Variants in ZNF362 observed in about 807,000 individuals in gnomAD.
ZNF362 encodes the protein zinc finger protein 362, also known as rotund homolog.
ZNF362 carries 11 observed loss-of-function variants against 42.9 expected under a neutral mutation model. The ratio of observed to expected loss-of-function variants is 0.26; its 90% CI spans 0.16 to 0.42. ZNF362 has a LOEUF of 0.42. Among genes scored for constraint, ZNF362 ranks in the 20% least tolerant of loss-of-function variants. The pLI is 1.00. For missense variants in ZNF362, 362 were observed against 576.2 expected (o/e 0.63, Z 3.81); for synonymous variants, 255 against 257.3 (o/e 0.99, Z 0.09).
intron 6 of ZNF362, among the ~76,000 whole-genome samples, chr1:33,286,927 A>G (rs1389405263): frequency 6.6e-6 from 1 of 152,184 alleles, no homozygotes; most frequent in Non-Finnish European, 1.5e-5. Context: ...ATAGAGGTAG[A>G]GTTAGCAAGA....
intron 6 of ZNF362, among the ~76,000 whole-genome samples, chr1:33,286,908 G>A (rs559773964): frequency 1.3e-4 from 20 of 152,220 alleles, no homozygotes; most frequent in South Asian, 6.2e-4. Context: ...AGCCAGCCCC[G>A]GTCAAGCAAT....
the ZNF362 span, chr1:33,160,079 A>C: frequency 8.7e-7 from 1 of 1,142,946 alleles, no homozygotes; most frequent in Non-Finnish European, 1.2e-6. Flanking sequence ...GGGAAATGTC[A>C]CATGCAAAAG....
the ZNF362 span, among the ~76,000 whole-genome samples, chr1:33,242,459 C>A: frequency 2.0e-5 from 3 of 152,132 alleles, no homozygotes; most frequent in Non-Finnish European, 4.4e-5. Flanking sequence ...ACTCTCTGCA[C>A]ATAGCATCAC....
the ZNF362 span, among the ~76,000 whole-genome samples, chr1:33,156,708 T>G: frequency 2.6e-5 from 4 of 152,330 alleles, no homozygotes; most frequent in Non-Finnish European, 5.9e-5. Context: ...CTGACCTTCC[T>G]TTTGTATTGC....
the ZNF362 span, among the ~76,000 whole-genome samples, chr1:33,213,487 G>C: frequency 6.6e-6 from 1 of 152,042 alleles, no homozygotes; most frequent in East Asian, 1.9e-4. Context: ...TAAATGTGTT[G>C]GTGAATTTAA....
chr1:33,270,857 C>G (rs1426401987), intron 2 of ZNF362, among the ~76,000 whole-genome samples: 1 of 152,134 alleles, frequency 6.6e-6, no homozygotes, highest in African/African-American at 2.4e-5. Flanking sequence ...CTGTATCTGT[C>G]ATTTGTGTCT....
At chr1:33,219,002 C>G in the ZNF362 span, among the ~76,000 whole-genome samples, 9 of 150,110 alleles carry the variant, frequency 6.0e-5, no homozygotes, top group Non-Finnish European at 1.2e-4. Flanking sequence ...CCTGCCCCCC[C>G]GCAAGAGACT....
chr1:33,217,222 T>C, the ZNF362 span, among the ~76,000 whole-genome samples: 1 of 152,138 alleles, frequency 6.6e-6, no homozygotes, highest in Non-Finnish European at 1.5e-5. Context: ...CCTAACCTGA[T>C]CTAACTTCTG....
chr1:33,237,281 T>C, the ZNF362 span, among the ~76,000 whole-genome samples: 1 of 152,206 alleles, frequency 6.6e-6, no homozygotes, highest in African/African-American at 2.4e-5. Flanking sequence ...ATCTGGCACA[T>C]AGCACAGTTT....
At chr1:33,238,873 A>G in the ZNF362 span, among the ~76,000 whole-genome samples, 1 of 152,144 alleles carries the variant, frequency 6.6e-6, no homozygotes, top group Non-Finnish European at 1.5e-5. Flanking sequence ...AGCTGAGGAG[A>G]GAGGCCTCAC....
the ZNF362 span, among the ~76,000 whole-genome samples, chr1:33,200,616 C>A: frequency 6.6e-6 from 1 of 152,096 alleles, no homozygotes; most frequent in South Asian, 2.1e-4. Context: ...AAATATATAT[C>A]ACATCATAGC....
At chr1:33,246,912 C>T in the ZNF362 span, among the ~76,000 whole-genome samples, 1 of 152,198 alleles carries the variant, frequency 6.6e-6, no homozygotes, top group Non-Finnish European at 1.5e-5. Context: ...AGGTGGCTGA[C>T]AGTCTGAACT....
At chr1:33,152,230 A>G in the ZNF362 span, among the ~76,000 whole-genome samples, 2 of 152,174 alleles carry the variant, frequency 1.3e-5, no homozygotes, top group African/African-American at 4.8e-5. Context: ...GTCTTTTCAC[A>G]TCATGCTCTT....
chr1:33,171,792 A>G, the ZNF362 span, among the ~76,000 whole-genome samples: 1 of 151,900 alleles, frequency 6.6e-6, no homozygotes, highest in Non-Finnish European at 1.5e-5. Context: ...TTTATTTTTT[A>G]TTTTTTTGAG....
At chr1:33,276,722 G>A (rs1645952754) in intron 4 of ZNF362, 128 bp downstream of exon 4, 2 of 1,188,802 alleles carry the variant, frequency 1.7e-6, no homozygotes, top group African/African-American at 3.2e-5. Context: ...TAGGGGTAGG[G>A]CATAAAGCTT....
chr1:33,220,356 T>C, the ZNF362 span, among the ~76,000 whole-genome samples: 1 of 152,178 alleles, frequency 6.6e-6, no homozygotes, highest in African/African-American at 2.4e-5. Flanking sequence ...CTAAACTCTT[T>C]ACAAGCATTA....
chr1:33,165,274 G>T, the ZNF362 span: 2 of 498,342 alleles, frequency 4.0e-6, no homozygotes, highest in East Asian at 6.8e-5. The surrounding 1 kb of genome is among the most constrained non-coding windows in gnomAD (Gnocchi z 4.0). Context: ...TCATGATGGG[G>T]TGGGTGCCGC....
At chr1:33,221,985 G>A in the ZNF362 span, among the ~76,000 whole-genome samples, 1 of 152,262 alleles carries the variant, frequency 6.6e-6, no homozygotes, top group South Asian at 2.1e-4. Flanking sequence ...GGAGGAGGAA[G>A]AGGGCGACAA....
intron 6 of ZNF362, among the ~76,000 whole-genome samples, chr1:33,292,395 G>A (rs1485341034): frequency 1.3e-5 from 2 of 152,216 alleles, no homozygotes. Flanking sequence ...TGTTGAACCA[G>A]CCTTGCATCC....
Sources: allele counts gnomAD v4.1 joint callset (sites outside exome capture counted in the v4.1 genomes callset), GRCh38; gene constraint gnomAD v4.1.1; non-coding constraint Gnocchi (gnomAD v3.1); transcripts MANE v1.5; gene names NCBI Gene and HGNC (gene_info 2026-07-23, HGNC 2026-07-21).